The following LZIC variants were observed in gnomAD, a reference collection of about 807,000 sequenced individuals.
LZIC encodes the protein leucine zipper and CTNNBIP1 domain containing.
Under a neutral mutation model 25.4 loss-of-function variants are expected in LZIC, and 28 were observed. The ratio of observed to expected loss-of-function variants is 1.10; its 90% CI spans 0.82 to 1.51. The LOEUF is 1.51. Ranked by LOEUF, LZIC falls within the 40% of genes most tolerant of loss-of-function variation. The pLI, the probability that LZIC is intolerant of heterozygous loss-of-function variation, is 0.00. For synonymous variants in LZIC, 65 were observed against 70.7 expected (o/e 0.92, Z 0.40); for missense variants, 170 against 211.1 (o/e 0.81, Z 1.21).
intron 5 of LZIC, among the ~76,000 whole-genome samples, chr1:9,933,311 T>G (rs1640319134): frequency 7.6e-6 from 1 of 131,898 alleles, no homozygotes; most frequent in African/African-American, 2.9e-5. Flanking sequence ...TACACATACA[T>G]ATAGCTTTTC....
At chr1:9,931,780 CTT>C (rs1640221797) in intron 7 of LZIC, 109 bp downstream of exon 7, 14 of 627,440 alleles carry the variant, frequency 2.2e-5, no homozygotes, top group Non-Finnish European at 3.7e-5. Flanking sequence ...TGGTTTCACT[CTT>C]AAACTCAAGG....
At chr1:9,925,552 C>T (rs1156328309), downstream of LZIC, among the ~76,000 whole-genome samples, 6 of 152,168 alleles carry the variant, frequency 3.9e-5, no homozygotes, top group Non-Finnish European at 5.9e-5. Flanking sequence ...TCAGACCTCT[C>T]AACTTTGCTG....
At position 9,929,309 on chromosome 1, in the gene LZIC, A is replaced by G. The variant is rs888621210; in HGVS notation, c.*1090T>C. On this transcript the variant is annotated 3_prime_UTR_variant, in exon 8 of 8. Coordinates refer to ENST00000377223, the MANE Select transcript of LZIC (RefSeq NM_032368.5). ...CTTTAAAAATGCTTTTAATTTGTATAAAGTGCAAAGAAAAAGAATATTGAG... is the reference window on the plus strand; with the variant it reads ...CTTTAAAAATGCTTTTAATTTGTATGAAGTGCAAAGAAAAAGAATATTGAG... The G allele has an allele frequency of 2.0e-6, 2 of 984,662 alleles. No homozygotes were observed. The highest frequency in any genetic ancestry group is 6.1e-5 in the Admixed American group (1 of 16,268). 61.0% of individuals were successfully genotyped at this position (984,662 alleles called of 1,614,324 possible).
intron 5 of LZIC, 83 bp from the exon 6 acceptor site, chr1:9,932,981 G>GT: frequency 1.1e-6 from 1 of 916,318 alleles, no homozygotes; most frequent in Non-Finnish European, 1.8e-6. Flanking sequence ...GCCAGGCGCA[G>GT]TGGCTCACGC....
chr1:9,926,144 C>G (rs1055880477), downstream of LZIC, among the ~76,000 whole-genome samples: 1 of 152,078 alleles, frequency 6.6e-6, no homozygotes, highest in African/African-American at 2.4e-5. Context: ...CTCCGCCTCC[C>G]AAAGTGCTGG....
At chr1:9,935,446 A>T (rs761812465) in intron 4 of LZIC, 46 bp downstream of exon 4, 64 of 1,546,270 alleles carry the variant, frequency 4.1e-5, no homozygotes, top group Non-Finnish European at 5.3e-5. Context: ...ACAAGAACAA[A>T]CAAAAAAACA....
At chr1:9,932,220 C>T (rs1640249980) in intron 6 of LZIC, 2 of 345,782 alleles carry the variant, frequency 5.8e-6, no homozygotes, top group Admixed American at 4.6e-5. Context: ...TGGTGCACGC[C>T]TGTAATCCCA....
chr1:9,929,504 A>T lies in LZIC; in HGVS notation c.*895T>A. The T allele has an allele frequency of 1.0e-6, 1 of 984,822 alleles. No homozygotes were observed. Among genetic ancestry groups the T allele is most frequent in the Non-Finnish European group, 1.2e-6 (1 of 829,872 alleles). The allele number at this position is 984,822 out of a possible 1,614,324, so 61.0% of individuals were successfully genotyped here. A position where few individuals can be genotyped will look rare whatever the true frequency, so the allele number is the denominator to read the frequency against. On this transcript the variant is annotated 3_prime_UTR_variant, in exon 8 of 8. Transcript: ENST00000377223. ...TTCTCCAAAACCTGAAGAGTAGATAACAGCTGACAGTTACCCCCCTCTGAG... is the reference window on the plus strand; with the variant it reads ...TTCTCCAAAACCTGAAGAGTAGATATCAGCTGACAGTTACCCCCCTCTGAG...
chr1:9,930,376 A>G lies in LZIC; in HGVS notation c.*23T>C, dbSNP rs371896710. 31 of 1,609,982 alleles carry G rather than the reference A, an allele frequency of 1.9e-5. No individual in the cohort carries two copies. The highest frequency in any genetic ancestry group is 2.6e-5 in the Non-Finnish European group (31 of 1,178,006). On this transcript the variant is annotated 3_prime_UTR_variant, in exon 8 of 8. Transcript: ENST00000377223. ...ACCATTTACATTAAGAATGTGATCA[A>G]TGTTACAAGCTTCTGCACCATGTCA... is the stretch of plus-strand genomic sequence containing the variant.
chr1:9,939,368 T>TTTTC lies in LZIC; in HGVS notation c.-8-2742_-8-2741insGAAA, dbSNP rs746798009. On this transcript the variant is annotated intron_variant, in intron 2 of 7. Transcript: ENST00000377223. Reference sequence around the variant, plus strand: ...TGAGGCACCCCACTTGGCTTTTTTTTTTTTCTTTTTTTTTTGACACAGAGT... The same window carrying TTTTC: ...TGAGGCACCCCACTTGGCTTTTTTTTTTTCTTTTCTTTTTTTTTTGACACAGAGT... Among the ~76,000 whole-genome samples, 384 of 50,832 alleles carry TTTTC rather than the reference T, an allele frequency of 7.6e-3. 7 individuals carry two copies. Among genetic ancestry groups the TTTTC allele is most frequent in the Admixed American group, 0.049 (151 of 3,084 alleles). 33.3% of individuals were successfully genotyped at this position (50,832 alleles called of 152,430 possible).
chr1:9,941,977 C>A (rs879654058), intron 2 of LZIC, among the ~76,000 whole-genome samples: 1 of 151,968 alleles, frequency 6.6e-6, no homozygotes, highest in African/African-American at 2.4e-5. Flanking sequence ...AGTGCAGTGG[C>A]GCGATCTCGG....
chr1:9,934,795 T>G lies in LZIC; in HGVS notation c.303A>C (p.Lys101Asn). The G allele has an allele frequency of 6.2e-7, 1 of 1,614,194 alleles. No homozygotes were observed. The highest frequency in any genetic ancestry group is 1.1e-5 in the South Asian group (1 of 91,088). ...TPEVIRLFAK[K>N]QPGQLRTRLA... ...ACCTTGTCCGAAGCTGACCTGGTTG[T>G]TTCTTTGCAAACAATCTGATGACCT... Residue 101 changes from lysine (K) to asparagine (N), a missense_variant, in exon 5 of 8, where the codon AAA becomes AAC. Lys to Asn is a moderately conservative substitution (Grantham distance 94). Coordinates refer to ENST00000377223, the MANE Select transcript of LZIC (RefSeq NM_032368.5).
chr1:9,937,492 C>G (rs1640510455), intron 2 of LZIC, among the ~76,000 whole-genome samples: 1 of 151,814 alleles, frequency 6.6e-6, no homozygotes. Flanking sequence ...TTGCAGTGAG[C>G]TGAGATCACG....
intron 6 of LZIC, chr1:9,932,193 A>C: frequency 2.4e-6 from 1 of 418,418 alleles, no homozygotes. Context: ...AAAATACAAA[A>C]AATCAGCTGG....
intron 5 of LZIC, 50 bp downstream of exon 5, chr1:9,934,712 C>T (rs749371895): frequency 2.6e-6 from 4 of 1,509,458 alleles, no homozygotes; most frequent in Non-Finnish European, 2.8e-6. Flanking sequence ...ATGAATTGGC[C>T]TAGGAAATGA....
chr1:9,932,685 GAAAAAAAA>G (rs34009055), intron 6 of LZIC, 110 bp downstream of exon 6: 2 of 281,210 alleles, frequency 7.1e-6, no homozygotes, highest in Non-Finnish European at 1.2e-5. Context: ...CTCCGTCTCA[GAAAAAAAA>G]AAAAAAAAAA....
At chr1:9,942,208 C>T (rs1259814859) in intron 2 of LZIC, among the ~76,000 whole-genome samples, 4 of 152,158 alleles carry the variant, frequency 2.6e-5, no homozygotes, top group Admixed American at 1.3e-4. Flanking sequence ...TGAGTCACCG[C>T]GCCCAGCTCA....
intron 5 of LZIC, among the ~76,000 whole-genome samples, chr1:9,933,606 A>C (rs952185264): frequency 1.3e-5 from 2 of 152,144 alleles, no homozygotes; most frequent in Non-Finnish European, 1.5e-5. Flanking sequence ...AAAGGGGATG[A>C]ATAAAATAAG....
chr1:9,922,585 A>C (rs1003014648), downstream of LZIC, among the ~76,000 whole-genome samples: 4 of 152,256 alleles, frequency 2.6e-5, no homozygotes, highest in African/African-American at 7.2e-5. Context: ...TGCCCCTAGC[A>C]CAGTGCTCAG....
Sources: gnomAD v4.1 joint callset for allele counts (sites outside exome capture counted in the v4.1 genomes callset) on GRCh38, gnomAD v4.1.1 for gene constraint, MANE v1.5 for transcripts, NCBI Gene and HGNC (gene_info 2026-07-23, HGNC 2026-07-21) for gene names.